The following PUDP variants were observed in gnomAD, a reference collection of about 807,000 sequenced individuals.
PUDP encodes pseudouridine 5'-phosphatase.
A neutral mutation model predicts 9.4 loss-of-function variants in PUDP; 8 were observed. The ratio of observed to expected loss-of-function variants is 0.85; its 90% CI spans 0.50 to 1.53. The LOEUF (loss-of-function observed/expected upper bound fraction) is 1.53, where lower values mean the gene tolerates loss of function less well. PUDP is among the 40% of genes most tolerant of loss of function. The pLI is 0.00. For missense variants in PUDP, 188 were observed against 189.7 expected (o/e 0.99, Z 0.05); for synonymous variants, 99 against 80.7 (o/e 1.23, Z -1.22).
intron 1 of PUDP, among the ~76,000 whole-genome samples, chrX:6,716,844 G>A (rs772157890): frequency 7.2e-5 from 8 of 111,282 alleles, no homozygotes; most frequent in African/African-American, 2.0e-4. Flanking sequence ...ATGTTGTCCA[G>A]GCTGGTCTTG....
Position 6,827,117 on chromosome X carries a change from G to T in PUDP, c.*248-120651C>A, listed in dbSNP as rs185599311. On this transcript the variant is annotated intron_variant and NMD_transcript_variant, in intron 3 of 3. Coordinates refer to the PUDP transcript ENST00000655425. ...TCAAACAAGAATGTGGCTGGGCTGA[G>T]GTTGCGTTTGGATCCCACATTGCCC... Among the ~76,000 whole-genome samples the T allele has an allele frequency of 7.1e-5, 8 of 112,024 alleles. No homozygotes were observed. The East Asian group carries it at 2.3e-3, about 32-fold the overall frequency.
At chrX:7,044,787 A>G (rs186399492), downstream of PUDP, among the ~76,000 whole-genome samples, 6 of 112,880 alleles carry the variant, frequency 5.3e-5, no homozygotes, top group African/African-American at 1.9e-4. Context: ...AATGATCATC[A>G]GCATATGAGA....
At chrX:7,080,190 T>C (rs1219074939) in intron 2 of PUDP, among the ~76,000 whole-genome samples, 2 of 112,096 alleles carry the variant, frequency 1.8e-5, no homozygotes, top group African/African-American at 6.5e-5. Context: ...AAAAACTTAA[T>C]TATTATAGGA....
intron 1 of PUDP, among the ~76,000 whole-genome samples, chrX:7,143,733 G>T (rs1476926510): frequency 1.8e-5 from 2 of 111,924 alleles, no homozygotes; most frequent in Non-Finnish European, 3.8e-5. Context: ...CACGTGTCTT[G>T]TGCTTTCTAT....
At chrX:6,860,285 A>AT (rs1315925800) in intron 3 of PUDP, among the ~76,000 whole-genome samples, 4 of 108,618 alleles carry the variant, frequency 3.7e-5, no homozygotes, top group African/African-American at 6.7e-5. Context: ...CTTGACCCCT[A>AT]TTTTTTCTCT....
At chrX:6,967,459 C>A (rs1465843185) in intron 3 of PUDP, among the ~76,000 whole-genome samples, 4 of 111,944 alleles carry the variant, frequency 3.6e-5, no homozygotes, top group Non-Finnish European at 7.5e-5. Context: ...CCATCCAGGT[C>A]TGCGTGGCAG....
At chrX:6,809,876 G>A (rs907254848) in intron 3 of PUDP, among the ~76,000 whole-genome samples, 1 of 110,869 alleles carries the variant, frequency 9.0e-6, no homozygotes, top group African/African-American at 3.3e-5. Context: ...GGACATCAGA[G>A]CCTGAGCAAC....
intron 2 of PUDP, among the ~76,000 whole-genome samples, chrX:7,081,626 A>G (rs776683452): frequency 3.7e-4 from 42 of 112,594 alleles, no homozygotes; most frequent in African/African-American, 1.4e-3. Flanking sequence ...CACCACCACA[A>G]CATACTGAGA....
At chrX:7,014,294 C>T (rs1218927466) in intron 1 of PUDP, among the ~76,000 whole-genome samples, 1 of 110,051 alleles carries the variant, frequency 9.1e-6, no homozygotes, top group East Asian at 2.9e-4. Context: ...GGCCGCGGGT[C>T]TCCAGGCTTG....
intron 1 of PUDP, among the ~76,000 whole-genome samples, chrX:7,005,779 T>C (rs1184715187): frequency 9.0e-6 from 1 of 111,187 alleles, no homozygotes; most frequent in Admixed American, 9.6e-5. Context: ...GCCACCCATC[T>C]TCAGAGTATT....
chrX:6,823,504 C>T (rs1415459581), intron 3 of PUDP, among the ~76,000 whole-genome samples: 1 of 112,369 alleles, frequency 8.9e-6, no homozygotes. Flanking sequence ...ACAAAGTCTG[C>T]TTTACTAGCC....
At chrX:6,979,628 C>G (rs1316449275) in intron 1 of PUDP, among the ~76,000 whole-genome samples, 1 of 111,693 alleles carries the variant, frequency 9.0e-6, no homozygotes, top group Non-Finnish European at 1.9e-5. Context: ...TCCTGCTAAG[C>G]CTTTTCCAGA....
At chrX:7,023,390 G>A (rs1440351790) in intron 1 of PUDP, among the ~76,000 whole-genome samples, 1 of 112,048 alleles carries the variant, frequency 8.9e-6, no homozygotes, top group African/African-American at 3.2e-5. Flanking sequence ...ACACTGACTC[G>A]GAATGGATGC....
chrX:6,955,537 C>A (rs1928615476), intron 3 of PUDP, among the ~76,000 whole-genome samples: 1 of 111,530 alleles, frequency 9.0e-6, no homozygotes, highest in Admixed American at 9.5e-5. Context: ...GTGCTAGGAT[C>A]ACAGACAATT....
At chrX:6,827,295 A>G (rs1485250126) in intron 3 of PUDP, among the ~76,000 whole-genome samples, 4 of 111,918 alleles carry the variant, frequency 3.6e-5, no homozygotes, top group Non-Finnish European at 7.5e-5. Flanking sequence ...TGCAAAAACA[A>G]AGCAAGGAAG....
chrX:6,990,107 G>T (rs1308877583), intron 1 of PUDP, among the ~76,000 whole-genome samples: 1 of 109,790 alleles, frequency 9.1e-6, no homozygotes, highest in African/African-American at 3.4e-5. Flanking sequence ...AACACCCTAG[G>T]TTTACATGTG....
At chrX:6,847,052 G>T (rs1201668968) in intron 3 of PUDP, among the ~76,000 whole-genome samples, 3 of 111,840 alleles carry the variant, frequency 2.7e-5, no homozygotes, top group Non-Finnish European at 5.6e-5. Flanking sequence ...ACCCTTTAAA[G>T]ATCTGAATTC....
At chrX:7,077,583 C>G in intron 2 of PUDP, 134 bp from the exon 3 acceptor site, 1 of 486,147 alleles carries the variant, frequency 2.1e-6, no homozygotes, top group Non-Finnish European at 3.5e-6. Context: ...TGACCTAGGA[C>G]AGATTGTCTA....
intron 3 of PUDP, among the ~76,000 whole-genome samples, chrX:6,739,188 T>C (rs1287807960): frequency 9.0e-6 from 1 of 111,701 alleles, no homozygotes; most frequent in African/African-American, 3.3e-5. Context: ...CCAATGTCTG[T>C]TTCTTCAAGG....
Sources: allele counts gnomAD v4.1 joint callset (sites outside exome capture counted in the v4.1 genomes callset), GRCh38; gene constraint gnomAD v4.1.1; transcripts MANE v1.5; gene names NCBI Gene and HGNC (gene_info 2026-07-23, HGNC 2026-07-21).